Variants in PCDHGA6 observed in about 807,000 individuals in gnomAD.
PCDHGA6 encodes protocadherin gamma-A6.
A neutral mutation model predicts 60.6 loss-of-function variants in PCDHGA6; 41 were observed. The ratio of observed to expected loss-of-function variants is 0.68; its 90% CI spans 0.53 to 0.88. PCDHGA6 has a LOEUF of 0.88. Among genes scored for constraint, PCDHGA6 ranks in the 40% least tolerant of loss-of-function variants. The pLI, the probability that PCDHGA6 is intolerant of heterozygous loss-of-function variation, is 0.00. For synonymous variants in PCDHGA6, 594 were observed against 524.4 expected (o/e 1.13, Z -1.81); for missense variants, 1,312 against 1,203.0 (o/e 1.09, Z -1.34).
intron 1 of PCDHGA6, among the ~76,000 whole-genome samples, chr5:141,381,826 CTTTTTTTTTTTT>C (rs770630741): frequency 2.7e-5 from 2 of 74,284 alleles, no homozygotes; most frequent in Non-Finnish European, 4.7e-5. Flanking sequence ...CTTTCTTCTT[CTTTTTTTTTTTT>C]TTTTTTTTTT....
At chr5:141,453,490 G>T (rs921556476) in intron 1 of PCDHGA6, among the ~76,000 whole-genome samples, 3 of 151,922 alleles carry the variant, frequency 2.0e-5, no homozygotes, top group African/African-American at 7.3e-5. Context: ...TTAAAAAAAG[G>T]TGTACTCAGA....
chr5:141,510,359 T>A (rs1229932307), intron 3 of PCDHGA6, among the ~76,000 whole-genome samples: 3 of 143,318 alleles, frequency 2.1e-5, no homozygotes, highest in African/African-American at 7.7e-5. Flanking sequence ...CTAACGGAAC[T>A]ACCGAATCTC....
Position 141,477,914 on chromosome 5 carries a change from G to T in PCDHGA6, c.2425-16893G>T. On this transcript the variant is annotated intron_variant, in intron 1 of 3. Coordinates refer to ENST00000517434, the MANE Select transcript of PCDHGA6 (RefSeq NM_018919.3). The surrounding 1 kb of genome is among the most constrained non-coding windows in gnomAD (Gnocchi z 4.9). ...ACGGGTGGTAGGCTGGGACGCGGAT[G>T]CAGGGCACAATGCCTGGCTCTCCTA... 2 of 1,614,204 alleles carry T rather than the reference G, an allele frequency of 1.2e-6. No homozygotes were observed. The highest frequency in any genetic ancestry group is 1.7e-6 in the Non-Finnish European group (2 of 1,180,044).
intron 1 of PCDHGA6, chr5:141,388,264 A>G (rs1054125491): frequency 1.3e-6 from 2 of 1,598,302 alleles, no homozygotes; most frequent in African/African-American, 2.9e-5. Context: ...GAGGACATTA[A>G]TGACCACACG....
chr5:141,391,109 T>C (rs1414344509), intron 1 of PCDHGA6: 1 of 152,098 alleles, frequency 6.6e-6, no homozygotes, highest in Non-Finnish European at 1.5e-5. Context: ...TAAACTAATA[T>C]AGCTAGAGGT....
At chr5:141,430,635 T>C (rs1561846344) in intron 1 of PCDHGA6, 1 of 881,828 alleles carries the variant, frequency 1.1e-6, no homozygotes, top group African/African-American at 1.7e-5. Context: ...GAACCATCCC[T>C]GGGAGTATGT....
chr5:141,497,396 C>T (rs2099776233), intron 2 of PCDHGA6, among the ~76,000 whole-genome samples: 1 of 152,116 alleles, frequency 6.6e-6, no homozygotes, highest in Middle Eastern at 3.2e-3. Flanking sequence ...CTTACCCCTG[C>T]CTCAACTCCC....
chr5:141,395,179 A>T (rs1031739375), intron 1 of PCDHGA6: 2 of 1,614,164 alleles, frequency 1.2e-6, no homozygotes, highest in Non-Finnish European at 1.7e-6. Context: ...GAGAAAAATG[A>T]TTCTTTGTTA....
Position 141,432,970 on chromosome 5 carries a change from G to C in PCDHGA6, c.2424+56463G>C, listed in dbSNP as rs371130763. On this transcript the variant is annotated intron_variant, in intron 1 of 3. Transcript: ENST00000517434. This position sits in a 1 kb window ranked among gnomAD's most constrained non-coding sequence, Gnocchi z 6.0. ...GAGGCGGCTTGACAGGAGCGCCGGC[G>C]TCGCACTTTGTGGGCGTGGACGGGG... is the stretch of plus-strand genomic sequence containing the variant. 25 of 1,614,114 alleles carry C rather than the reference G, an allele frequency of 1.5e-5. No individual in the cohort carries two copies. Among genetic ancestry groups the C allele is most frequent in the African/African-American group, 1.1e-4 (8 of 75,054 alleles).
chr5:141,384,787 C>T (rs761655907), intron 1 of PCDHGA6: 32 of 1,613,552 alleles, frequency 2.0e-5, no homozygotes, highest in Non-Finnish European at 2.4e-5. Flanking sequence ...GCGCACGGCT[C>T]GGGCCCTGCT....
rs1178458180 is a variant in PCDHGA6 at position 141,384,264 on chromosome 5, A to G, written c.2424+7757A>G. The G allele has an allele frequency of 5.0e-6, 8 of 1,613,664 alleles. No individual in the cohort carries two copies. The African/African-American group carries it at 8.0e-5, about 16-fold the overall frequency. On this transcript the variant is annotated intron_variant, in intron 1 of 3. Transcript: ENST00000517434. ...ATAACCCACCCACCTTCCCCCACTCATCCTACTCAGTCTACATCGCTGAGA... is the reference window on the plus strand; with the variant it reads ...ATAACCCACCCACCTTCCCCCACTCGTCCTACTCAGTCTACATCGCTGAGA...
At chr5:141,478,639 A>G (rs377308663) in intron 1 of PCDHGA6, 168 of 1,552,322 alleles carry the variant, frequency 1.1e-4, no homozygotes, top group Non-Finnish European at 1.0e-4. Context: ...TTAGTGATGA[A>G]GATGTTTTCC....
intron 2 of PCDHGA6, among the ~76,000 whole-genome samples, chr5:141,498,962 A>G (rs1257746192): frequency 8.0e-6 from 1 of 124,866 alleles, no homozygotes; most frequent in Non-Finnish European, 1.7e-5. Context: ...AGAGAGAGGG[A>G]GGGAGGGAGG....
intron 1 of PCDHGA6, chr5:141,388,833 T>G (rs761698912): frequency 6.2e-7 from 1 of 1,613,838 alleles, no homozygotes; most frequent in Non-Finnish European, 8.5e-7. Context: ...TTCCATAGTT[T>G]TGGAAGCAAG....
rs2233605 is a variant in PCDHGA6 at position 141,490,412 on chromosome 5, C to A, written c.2425-4395C>A. ...GGTGAAGTGAGCCTTGATATCTCTC[C>A]GGACCTGCCATTTCAGATTAAGCCT... On this transcript the variant is annotated intron_variant, in intron 1 of 3. Transcript: ENST00000517434. This position sits in a 1 kb window ranked among gnomAD's most constrained non-coding sequence, Gnocchi z 5.4. 1.3e-4 allele frequency: 203 copies of A among 1,614,064 alleles called. 1 individual carries two copies. The highest frequency in any genetic ancestry group is 3.5e-4 in the South Asian group (32 of 91,086).
intron 1 of PCDHGA6, chr5:141,398,053 A>C: frequency 2.0e-6 from 3 of 1,516,468 alleles, no homozygotes; most frequent in Non-Finnish European, 2.7e-6. Flanking sequence ...TCGGAGATCC[A>C]AAAATCTACA....
At chr5:141,394,348 G>C (rs1376364642) in intron 1 of PCDHGA6, 2 of 1,614,050 alleles carry the variant, frequency 1.2e-6, no homozygotes, top group Non-Finnish European at 1.7e-6. Flanking sequence ...TCTGACACCG[G>C]TGTCCTGTAT....
intron 1 of PCDHGA6, chr5:141,422,908 C>T (rs1340882515): frequency 2.5e-6 from 4 of 1,614,126 alleles, no homozygotes; most frequent in Non-Finnish European, 3.4e-6. Context: ...CGACAATGCG[C>T]CCGAGATCCT....
chr5:141,431,984 G>A lies in PCDHGA6; in HGVS notation c.2424+55477G>A, dbSNP rs758365921. 2 of 1,614,220 alleles carry A rather than the reference G, an allele frequency of 1.2e-6. No individual in the cohort carries two copies. The highest frequency in any genetic ancestry group is 2.2e-5 in the South Asian group (2 of 91,086). On this transcript the variant is annotated intron_variant, in intron 1 of 3. Transcript: ENST00000517434. The surrounding 1 kb of genome is among the most constrained non-coding windows in gnomAD (Gnocchi z 4.8). ...TTACTATAGTTTAGTCACAGACATAGTCTTGGATAGGGAACAGGTTCCTAG... is the reference window on the plus strand; with the variant it reads ...TTACTATAGTTTAGTCACAGACATAATCTTGGATAGGGAACAGGTTCCTAG...
Sources: allele counts gnomAD v4.1 joint callset (sites outside exome capture counted in the v4.1 genomes callset), GRCh38; gene constraint gnomAD v4.1.1; non-coding constraint Gnocchi (gnomAD v3.1); transcripts MANE v1.5; gene names NCBI Gene and HGNC (gene_info 2026-07-23, HGNC 2026-07-21).